TET1: variants seen among roughly 807,000 people sequenced by gnomAD.
The protein encoded by TET1 is methylcytosine dioxygenase TET1.
TET1 carries 13 observed loss-of-function variants against 148.7 expected under a neutral mutation model. The ratio of observed to expected loss-of-function variants is 0.09; its 90% CI spans 0.06 to 0.14. The LOEUF (loss-of-function observed/expected upper bound fraction) is 0.14. TET1 is among the 10% of genes least tolerant of loss of function. The pLI, the probability that TET1 is intolerant of heterozygous loss-of-function variation, is 1.00. For synonymous variants in TET1, 907 were observed against 937.2 expected, an observed-to-expected ratio of 0.97 and a Z score of 0.59; for missense variants, 2,182 against 2,553.8, an observed-to-expected ratio of 0.85 and a Z score of 3.14.
intron 2 of TET1, among the ~76,000 whole-genome samples, chr10:68,592,299 A>G (rs1305739509): frequency 6.6e-6 from 1 of 152,058 alleles, no homozygotes; most frequent in Non-Finnish European, 1.5e-5. Context: ...CTGGGTGACA[A>G]GAGACTTTGT....
intron 4 of TET1, 79 bp downstream of exon 4, chr10:68,647,084 CTTT>C (rs2054861823): frequency 2.1e-6 from 3 of 1,425,124 alleles, no homozygotes; most frequent in Non-Finnish European, 2.8e-6. Context: ...TCTGATTCAT[CTTT>C]TTTGTGTGAT....
rs1483080841 is a variant in TET1, at chr10:68,646,056, A to G, written c.3327A>G (p.Thr1109=). The part of the protein sequence containing the change: ...KVESTPTSLV[T]CNVQQKYNQE... The stretch of plus-strand genomic sequence containing the variant: ...AAAGTACACCAACAAGCCTTGTCAC[A>G]TGTAATGTACAGCAAAAATACAATC... Residue 1109 remains threonine, a synonymous_variant, in exon 4 of 12, where the codon ACA becomes ACG. Transcript: ENST00000373644. 3 of 1,614,156 alleles carry G rather than the reference A, an allele frequency of 1.9e-6. No individual in the cohort carries two copies. Among genetic ancestry groups the G allele is most frequent in the African/African-American group, 1.3e-5 (1 of 75,044 alleles).
In TET1 at chr10:68,646,416, T is replaced by C. The variant is rs757489971; in HGVS notation, c.3687T>C (p.Ile1229=). Residue 1229 remains isoleucine, a synonymous_variant, in exon 4 of 12, where the codon ATT becomes ATC. Coordinates refer to ENST00000373644, the MANE Select transcript of TET1 (RefSeq NM_030625.3). ...IWKPLAQTRS[I]MQPKTVFPPL... ...AACCACTGGCTCAAACGAGGTCCAT[T>C]ATGCAACCCAAAACAGTATTTCCAC... 2 of 1,614,022 alleles carry C rather than the reference T, an allele frequency of 1.2e-6. No individual in the cohort carries two copies. The highest frequency in any genetic ancestry group is 2.7e-5 in the African/African-American group (2 of 74,912).
chr10:68,622,241 C>G (rs1355925869), intron 3 of TET1, among the ~76,000 whole-genome samples: 1 of 141,086 alleles, frequency 7.1e-6, no homozygotes, highest in Non-Finnish European at 1.5e-5. Context: ...TCCCTTCCCT[C>G]CCTCCCTCCC....
Position 68,694,410 on chromosome 10 carries a change from G to T in TET1, c.*2596G>T, listed in dbSNP as rs1467543062. 4.3e-6 allele frequency: 1 copy of T among 232,126 alleles called. No individual in the cohort carries two copies. The highest frequency in any genetic ancestry group is 8.5e-6 in the Non-Finnish European group (1 of 117,552). 14.4% of individuals were successfully genotyped at this position (232,126 alleles called of 1,614,324 possible). On this transcript the variant is annotated 3_prime_UTR_variant, in exon 12 of 12. Coordinates refer to ENST00000373644, the MANE Select transcript of TET1 (RefSeq NM_030625.3). ...TCTGCAGCATTGTGATTGTATGCTGGCTACACTGCTTTTAGAATGCTCTTT... is the reference window on the plus strand; with the variant it reads ...TCTGCAGCATTGTGATTGTATGCTGTCTACACTGCTTTTAGAATGCTCTTT...
At chr10:68,563,483 AC>A (rs2053575884) in intron 1 of TET1, among the ~76,000 whole-genome samples, 1 of 152,250 alleles carries the variant, frequency 6.6e-6, no homozygotes. Flanking sequence ...GTCTCTTGCA[AC>A]TAGCTCTATG....
intron 2 of TET1, among the ~76,000 whole-genome samples, chr10:68,594,944 A>G (rs559616445): frequency 1.1e-3 from 160 of 148,446 alleles, no homozygotes; most frequent in African/African-American, 3.8e-3. Flanking sequence ...TCGCCATTGC[A>G]CTCCAGCCTG....
At position 68,694,125 on chromosome 10, in the gene TET1, A is replaced by G. The variant is rs1361976684; in HGVS notation, c.*2311A>G. ...TTTCTTAACAATCTAAACTTGAAAC[A>G]TCAATGTTAATTTTTGGAACTATTG... On this transcript the variant is annotated 3_prime_UTR_variant, in exon 12 of 12. Coordinates refer to ENST00000373644, the MANE Select transcript of TET1 (RefSeq NM_030625.3). The G allele has an allele frequency of 1.7e-5, 4 of 232,510 alleles. No individual in the cohort carries two copies. Among genetic ancestry groups the G allele is most frequent in the Non-Finnish European group, 3.4e-5 (4 of 117,692 alleles). 14.4% of individuals were successfully genotyped at this position (232,510 alleles called of 1,614,324 possible).
intron 3 of TET1, among the ~76,000 whole-genome samples, chr10:68,640,885 G>A (rs1258657898): frequency 6.6e-6 from 1 of 151,350 alleles, no homozygotes; most frequent in African/African-American, 2.4e-5. Flanking sequence ...GTGTATGTAT[G>A]TGACATGTAA....
rs182728773 is a variant in TET1, at chr10:68,629,092, C to T, written c.1969-15606C>T. Among the ~76,000 whole-genome samples the T allele has an allele frequency of 2.8e-3, 431 of 152,216 alleles. 3 individuals are homozygous for T. The highest frequency in any genetic ancestry group is 9.7e-3 in the African/African-American group (403 of 41,530). On this transcript the variant is annotated intron_variant, in intron 3 of 11. Coordinates refer to ENST00000373644, the MANE Select transcript of TET1 (RefSeq NM_030625.3). ...AAAAATTTAGCATGTATGCCGGGCG[C>T]GGTGGCTCATGCCTGGAATCTCAGC...
intron 6 of TET1, among the ~76,000 whole-genome samples, chr10:68,655,845 C>T (rs1199070406): frequency 1.3e-5 from 2 of 152,084 alleles, no homozygotes; most frequent in Non-Finnish European, 2.9e-5. Flanking sequence ...CCAATAGGAA[C>T]CTGACTTCAT....
chr10:68,632,237 G>C (rs997063362), intron 3 of TET1: 1 of 704,506 alleles, frequency 1.4e-6, no homozygotes, highest in African/African-American at 1.8e-5. Flanking sequence ...CAGGAGAATG[G>C]CGTGAACCCG....
chr10:68,617,237 T>G (rs9415926), intron 3 of TET1, among the ~76,000 whole-genome samples: 89,590 of 145,878 alleles, frequency 0.61, 26,823 homozygotes, highest in Middle Eastern at 0.67. Context: ...TGTTAACCAG[T>G]ATGGTCTCGA....
chr10:68,597,030 A>ATGTTTTTTTTTTTTTTTTTT (rs2053996153), intron 2 of TET1, among the ~76,000 whole-genome samples: 1 of 98,894 alleles, frequency 1.0e-5, no homozygotes. Context: ...CAGCTAATGG[A>ATGTTTTTTTTTTTTTTTTTT]TTTTTTTTTT....
At chr10:68,608,514 C>T (rs1470410554) in intron 3 of TET1, among the ~76,000 whole-genome samples, 3 of 152,036 alleles carry the variant, frequency 2.0e-5, no homozygotes, top group African/African-American at 4.8e-5. Flanking sequence ...GGATTATAGG[C>T]GTGAGCCACC....
intron 3 of TET1, among the ~76,000 whole-genome samples, chr10:68,637,591 T>C (rs2054673550): frequency 7.1e-6 from 1 of 141,546 alleles, no homozygotes; most frequent in African/African-American, 2.6e-5. Flanking sequence ...TGTGGTGCCA[T>C]CTTGGCTTAC....
intron 3 of TET1, among the ~76,000 whole-genome samples, chr10:68,639,823 C>T (rs1444721035): frequency 2.0e-5 from 3 of 152,150 alleles, no homozygotes; most frequent in Non-Finnish European, 4.4e-5. Flanking sequence ...GAAATACATA[C>T]ACTGAAATTC....
chr10:68,583,641 G>A (rs370823063), intron 2 of TET1, among the ~76,000 whole-genome samples: 3 of 152,278 alleles, frequency 2.0e-5, no homozygotes, highest in South Asian at 4.1e-4. Flanking sequence ...GACCGGACAC[G>A]GTGGCTCTCG....
chr10:68,684,488 T>A lies in TET1; in HGVS notation c.5052+1515T>A, dbSNP rs544219491. Among the ~76,000 whole-genome samples the A allele has an allele frequency of 4.0e-3, 614 of 152,072 alleles. 4 individuals carry two copies. The highest frequency in any genetic ancestry group is 0.014 in the African/African-American group (577 of 41,504). ...TATATAAATCCAGCCTGGTAAATAC[T>A]AGCCAGGCAGTGGTTCATCACCATC... On this transcript the variant is annotated intron_variant, in intron 10 of 11. Coordinates refer to ENST00000373644, the MANE Select transcript of TET1 (RefSeq NM_030625.3).
Sources: gnomAD v4.1 joint callset for allele counts (sites outside exome capture counted in the v4.1 genomes callset) on GRCh38, gnomAD v4.1.1 for gene constraint, MANE v1.5 for transcripts, NCBI Gene and HGNC (gene_info 2026-07-23, HGNC 2026-07-21) for gene names.